Variants in GPC5 observed in about 807,000 individuals in gnomAD.
The protein encoded by GPC5 is glypican-5.
A neutral mutation model predicts 53.9 loss-of-function variants in GPC5; 47 were observed. The observed-to-expected ratio is 0.87, with a 90% CI of 0.69 to 1.11. The LOEUF (loss-of-function observed/expected upper bound fraction) is 1.11. Among genes scored for constraint, GPC5 ranks in the 50% most tolerant of loss-of-function variants. The pLI, the probability that GPC5 is intolerant of heterozygous loss-of-function variation, is 0.00. For missense variants in GPC5, 748 were observed against 713.1 expected, an observed-to-expected ratio of 1.05 and a Z score of -0.56; for synonymous variants, 286 against 263.3, an observed-to-expected ratio of 1.09 and a Z score of -0.84.
intron 6 of GPC5, among the ~76,000 whole-genome samples, chr13:91,982,017 T>A (rs2040364225): frequency 6.6e-6 from 1 of 152,156 alleles, no homozygotes; most frequent in Admixed American, 6.5e-5. Context: ...TTATGAAGGT[T>A]CCTCGCTTGC....
rs189230214 is a variant in GPC5 at position 91,975,502 on chromosome 13, C to G, written c.1401+67445C>G. ...CCTCAAAAGAAGACATTTATGCAGC[C>G]AAAACACACATGAAAAAATGCTCAT... is the stretch of plus-strand genomic sequence containing the variant. On this transcript the variant is annotated intron_variant, in intron 6 of 7. Coordinates refer to ENST00000377067, the MANE Select transcript of GPC5 (RefSeq NM_004466.6). Among the ~76,000 whole-genome samples, 354 of 152,234 alleles carry G rather than the reference C, an allele frequency of 2.3e-3. 4 individuals carry two copies. Among genetic ancestry groups the G allele is most frequent in the African/African-American group, 8.0e-3 (333 of 41,544 alleles).
At chr13:92,842,742 CAATTAGAAAAACAGAAAT>C (rs1878473917) in intron 7 of GPC5, among the ~76,000 whole-genome samples, 1 of 149,008 alleles carries the variant, frequency 6.7e-6, no homozygotes, top group South Asian at 2.1e-4. Flanking sequence ...AGGACTAAAA[CAATTAGAAAAACAGAAAT>C]ATATTCATCA....
chr13:92,390,079 T>G (rs1050221156), intron 7 of GPC5, among the ~76,000 whole-genome samples: 1 of 152,140 alleles, frequency 6.6e-6, no homozygotes, highest in Non-Finnish European at 1.5e-5. Context: ...TTTGTTTTAA[T>G]GACCATAGGT....
chr13:92,401,132 G>A (rs1292852391), intron 7 of GPC5, among the ~76,000 whole-genome samples: 4 of 151,260 alleles, frequency 2.6e-5, no homozygotes, highest in African/African-American at 9.7e-5. Flanking sequence ...TTTATACACT[G>A]GCTACTATTT....
chr13:91,753,714 A>G (rs1341623731), intron 4 of GPC5, among the ~76,000 whole-genome samples: 1 of 152,168 alleles, frequency 6.6e-6, no homozygotes, highest in Non-Finnish European at 1.5e-5. Flanking sequence ...ATTCATTCCC[A>G]TAAGCACAGT....
intron 7 of GPC5, among the ~76,000 whole-genome samples, chr13:92,238,910 T>C (rs2042589184): frequency 1.3e-5 from 2 of 151,984 alleles, no homozygotes; most frequent in Non-Finnish European, 2.9e-5. Flanking sequence ...TTTGAACTAT[T>C]TTGACTAAAT....
At chr13:92,792,491 C>A (rs552391683) in intron 7 of GPC5, among the ~76,000 whole-genome samples, 28 of 152,184 alleles carry the variant, frequency 1.8e-4, no homozygotes, top group African/African-American at 6.7e-4. Flanking sequence ...AACTAACAAG[C>A]AAAATAAACA....
chr13:91,825,000 G>T (rs531165270), intron 5 of GPC5, among the ~76,000 whole-genome samples: 8 of 152,036 alleles, frequency 5.3e-5, no homozygotes, highest in African/African-American at 1.9e-4. Flanking sequence ...TGAAAACTAA[G>T]TTTGTCTTAT....
chr13:91,751,573 C>T (rs1304089404), intron 4 of GPC5, among the ~76,000 whole-genome samples: 2 of 152,154 alleles, frequency 1.3e-5, no homozygotes, highest in Non-Finnish European at 2.9e-5. Flanking sequence ...CTCATTAGTT[C>T]TTAAAGCTTC....
chr13:92,729,139 C>T (rs759766166), intron 7 of GPC5, among the ~76,000 whole-genome samples: 1 of 151,248 alleles, frequency 6.6e-6, no homozygotes, highest in Non-Finnish European at 1.5e-5. Flanking sequence ...CCCAAAGCAT[C>T]CTTACAGGCT....
intron 5 of GPC5, among the ~76,000 whole-genome samples, chr13:91,784,591 G>A (rs1290568072): frequency 6.6e-6 from 1 of 152,044 alleles, no homozygotes; most frequent in Non-Finnish European, 1.5e-5. Flanking sequence ...AGGCATGGTG[G>A]CACATGCCTG....
At chr13:91,974,883 C>T (rs1042995315) in intron 6 of GPC5, among the ~76,000 whole-genome samples, 2 of 152,152 alleles carry the variant, frequency 1.3e-5, no homozygotes, top group Admixed American at 6.6e-5. Flanking sequence ...TACAAGGCTA[C>T]AGTAACCAAA....
At chr13:92,350,176 T>G (rs2043463835) in intron 7 of GPC5, among the ~76,000 whole-genome samples, 1 of 152,112 alleles carries the variant, frequency 6.6e-6, no homozygotes, top group South Asian at 2.1e-4. Flanking sequence ...CTTGACAAAA[T>G]TCAACATTCT....
intron 7 of GPC5, among the ~76,000 whole-genome samples, chr13:92,581,762 A>G (rs145236626): frequency 0.015 from 2,252 of 152,188 alleles, 26 homozygotes; most frequent in Non-Finnish European, 0.022. Context: ...CCATTCTAGC[A>G]GATGTGAGAT....
chr13:92,232,476 G>T (rs1416590658), intron 7 of GPC5, among the ~76,000 whole-genome samples: 1 of 152,154 alleles, frequency 6.6e-6, no homozygotes, highest in Non-Finnish European at 1.5e-5. Flanking sequence ...AACTAAGGCT[G>T]GCTAGGGTCA....
intron 6 of GPC5, among the ~76,000 whole-genome samples, chr13:92,098,795 G>T (rs1594762109): frequency 6.6e-6 from 1 of 152,100 alleles, no homozygotes; most frequent in Non-Finnish European, 1.5e-5. Flanking sequence ...CTTCCTTAGA[G>T]CCGCCACAAA....
chr13:92,311,786 A>C (rs190854010), intron 7 of GPC5, among the ~76,000 whole-genome samples: 39 of 152,318 alleles, frequency 2.6e-4, no homozygotes, highest in Admixed American at 4.6e-4. Flanking sequence ...TATGGGAGCT[A>C]TTCAAGATGA....
intron 6 of GPC5, among the ~76,000 whole-genome samples, chr13:91,921,025 C>G (rs2039708598): frequency 7.2e-6 from 1 of 139,356 alleles, no homozygotes; most frequent in Non-Finnish European, 1.5e-5. Flanking sequence ...GCAACTCTGT[C>G]TCCTGCGTTC....
chr13:91,760,578 G>A (rs1031469486), intron 5 of GPC5, among the ~76,000 whole-genome samples: 1 of 152,090 alleles, frequency 6.6e-6, no homozygotes, highest in African/African-American at 2.4e-5. Context: ...CAAATTGGTG[G>A]CCAAGATTAA....
Sources: gnomAD v4.1 joint callset for allele counts (sites outside exome capture counted in the v4.1 genomes callset) on GRCh38, gnomAD v4.1.1 for gene constraint, MANE v1.5 for transcripts, NCBI Gene and HGNC (gene_info 2026-07-23, HGNC 2026-07-21) for gene names.